The following RABGAP1L variants were observed in gnomAD, a reference collection of about 807,000 sequenced individuals.
The protein encoded by RABGAP1L is rab GTPase-activating protein 1-like.
Under a neutral mutation model 137.7 loss-of-function variants are expected in RABGAP1L, and 63 were observed. The ratio of observed to expected loss-of-function variants is 0.46; its 90% CI spans 0.37 to 0.56. RABGAP1L has a LOEUF of 0.56. Among genes scored for constraint, RABGAP1L ranks in the 20% least tolerant of loss-of-function variants. The pLI, the probability that RABGAP1L is intolerant of heterozygous loss-of-function variation, is 0.00. For missense variants in RABGAP1L, 1,095 were observed against 1,244.0 expected (o/e 0.88, Z 1.80); for synonymous variants, 431 against 433.7 (o/e 0.99, Z 0.08).
intron 10 of RABGAP1L, among the ~76,000 whole-genome samples, chr1:174,290,988 G>C (rs1676547542): frequency 6.6e-6 from 1 of 151,958 alleles, no homozygotes; most frequent in Non-Finnish European, 1.5e-5. Flanking sequence ...TTGAACTCTT[G>C]GACTCAAGCA....
chr1:174,962,833 C>A (rs575499534), intron 20 of RABGAP1L, among the ~76,000 whole-genome samples: 4 of 152,276 alleles, frequency 2.6e-5, no homozygotes, highest in Non-Finnish European at 5.9e-5. Context: ...TGTGGTGGCT[C>A]ACACCTGTAA....
intron 1 of RABGAP1L, among the ~76,000 whole-genome samples, chr1:174,164,013 C>T (rs1366202425): frequency 6.6e-6 from 1 of 152,070 alleles, no homozygotes; most frequent in African/African-American, 2.4e-5. Flanking sequence ...TTCTGTGTAT[C>T]TGGGTATTCA....
chr1:174,186,135 A>G (rs913349469), intron 1 of RABGAP1L, among the ~76,000 whole-genome samples: 1 of 149,216 alleles, frequency 6.7e-6, no homozygotes, highest in African/African-American at 2.5e-5. Flanking sequence ...CAAGAGCGAA[A>G]TTCCATCTCA....
chr1:174,800,018 T>C, intron 18 of RABGAP1L: 1 of 1,132,442 alleles, frequency 8.8e-7, no homozygotes, highest in Non-Finnish European at 1.1e-6. Flanking sequence ...TCTAAGCAGC[T>C]TGTCCGTTTT....
intron 17 of RABGAP1L, among the ~76,000 whole-genome samples, chr1:174,703,837 A>C (rs1026533265): frequency 2.0e-5 from 3 of 152,202 alleles, no homozygotes; most frequent in Admixed American, 6.5e-5. Flanking sequence ...ATAATTAGTA[A>C]TGTTGAACAT....
At chr1:174,396,271 AT>A (rs1253766830) in intron 13 of RABGAP1L, among the ~76,000 whole-genome samples, 1 of 152,142 alleles carries the variant, frequency 6.6e-6, no homozygotes, top group Non-Finnish European at 1.5e-5. Flanking sequence ...GATTATGAAT[AT>A]ACTAAAAACC....
intron 13 of RABGAP1L, among the ~76,000 whole-genome samples, chr1:174,623,070 A>G (rs1302449906): frequency 6.6e-6 from 1 of 152,218 alleles, no homozygotes; most frequent in Non-Finnish European, 1.5e-5. Flanking sequence ...CTCAGTGAAC[A>G]AGTGGTAAAA....
At chr1:174,829,644 G>A (rs1044509849) in intron 19 of RABGAP1L, among the ~76,000 whole-genome samples, 4 of 148,416 alleles carry the variant, frequency 2.7e-5, no homozygotes, top group Non-Finnish European at 6.0e-5. Context: ...AGGCTAAGAT[G>A]TATATGCCAC....
At chr1:174,345,957 G>C (rs1342009855) in intron 11 of RABGAP1L, among the ~76,000 whole-genome samples, 1 of 152,092 alleles carries the variant, frequency 6.6e-6, no homozygotes, top group Admixed American at 6.5e-5. Flanking sequence ...TTATCATGAA[G>C]GGATTTTGAA....
intron 13 of RABGAP1L, among the ~76,000 whole-genome samples, chr1:174,598,517 A>G (rs1009407288): frequency 1.3e-5 from 2 of 152,132 alleles, no homozygotes; most frequent in African/African-American, 2.4e-5. Context: ...GAAGTCTCCA[A>G]CTATTACTGT....
chr1:174,430,548 A>C (rs1054985733), intron 13 of RABGAP1L, among the ~76,000 whole-genome samples: 7 of 152,132 alleles, frequency 4.6e-5, no homozygotes, highest in African/African-American at 1.7e-4. Flanking sequence ...CAGTAAGTAA[A>C]TCTTTTCCAT....
rs182101209 is a variant in RABGAP1L, at chr1:174,319,497, T to C, written c.1465+14370T>C. On this transcript the variant is annotated intron_variant, in intron 11 of 25. Coordinates refer to ENST00000681986, the MANE Select transcript of RABGAP1L (RefSeq NM_001366446.1). The stretch of plus-strand genomic sequence containing the variant: ...TTATGTCACCTGAAAATAAAGACAG[T>C]TTTATTTCTTCCTTCTCAATCTGCA... Among the ~76,000 whole-genome samples the C allele has an allele frequency of 1.1e-4, 16 of 152,252 alleles. No homozygotes were observed. The East Asian group carries it at 3.1e-3, about 29-fold the overall frequency.
chr1:174,968,866 CCT>C (rs760272864), intron 20 of RABGAP1L, among the ~76,000 whole-genome samples: 53 of 152,064 alleles, frequency 3.5e-4, no homozygotes, highest in Non-Finnish European at 6.0e-4. Flanking sequence ...GTGGTTTTCC[CCT>C]GTTTCATTCC....
At chr1:174,720,301 A>ACAGG (rs1681412692) in intron 17 of RABGAP1L, among the ~76,000 whole-genome samples, 3 of 144,506 alleles carry the variant, frequency 2.1e-5, no homozygotes, top group African/African-American at 8.7e-5. Context: ...AGACAGACAG[A>ACAGG]TAGTTGGTTT....
At chr1:174,591,556 A>G in intron 13 of RABGAP1L, among the ~76,000 whole-genome samples, 1 of 36,704 alleles carries the variant, frequency 2.7e-5, no homozygotes, top group Non-Finnish European at 3.9e-5. Flanking sequence ...ATCCAGTTTC[A>G]TCTTTCTACA....
intron 19 of RABGAP1L, among the ~76,000 whole-genome samples, chr1:174,892,896 A>ATTTTTTTTTTTT (rs748971722): frequency 5.5e-3 from 502 of 91,840 alleles, no homozygotes; most frequent in Non-Finnish European, 7.4e-3. Flanking sequence ...CACCCAGCTA[A>ATTTTTTTTTTTT]TTTTTTTTTT....
chr1:174,369,517 A>T (rs1684923442), intron 11 of RABGAP1L, among the ~76,000 whole-genome samples: 1 of 152,214 alleles, frequency 6.6e-6, no homozygotes, highest in South Asian at 2.1e-4. Flanking sequence ...TTTCACTATA[A>T]AAAGTGCCTC....
At chr1:174,413,733 A>G (rs1209057353) in intron 13 of RABGAP1L, among the ~76,000 whole-genome samples, 4 of 151,972 alleles carry the variant, frequency 2.6e-5, no homozygotes, top group South Asian at 2.1e-4. Context: ...CTTTGCTTCT[A>G]TAGCCCTATG....
At chr1:174,826,080 G>A (rs939379193) in intron 19 of RABGAP1L, among the ~76,000 whole-genome samples, 1 of 152,056 alleles carries the variant, frequency 6.6e-6, no homozygotes, top group South Asian at 2.1e-4. Context: ...AGTATCTGTT[G>A]TTCCCATCTC....
Sources: allele counts gnomAD v4.1 joint callset (sites outside exome capture counted in the v4.1 genomes callset), GRCh38; gene constraint gnomAD v4.1.1; transcripts MANE v1.5; gene names NCBI Gene and HGNC (gene_info 2026-07-23, HGNC 2026-07-21).